The following GALNT9 variants were observed in gnomAD, a reference collection of about 807,000 sequenced individuals.
GALNT9 encodes the protein polypeptide N-acetylgalactosaminyltransferase 9.
Under a neutral mutation model 63.1 loss-of-function variants are expected in GALNT9, and 47 were observed. That is an observed-to-expected ratio of 0.75 (90% CI 0.59 to 0.95). The LOEUF is 0.95. GALNT9 is among the 40% of genes least tolerant of loss of function. The pLI is 0.00. For synonymous variants in GALNT9, 396 were observed against 365.7 expected, an observed-to-expected ratio of 1.08 and a Z score of -0.94; for missense variants, 829 against 874.8, an observed-to-expected ratio of 0.95 and a Z score of 0.66.
intron 2 of GALNT9, among the ~76,000 whole-genome samples, chr12:132,270,547 C>T (rs1879826910): frequency 6.6e-6 from 1 of 152,252 alleles, no homozygotes; most frequent in African/African-American, 2.4e-5. Context: ...GAGTCTACGA[C>T]TGTAATCAAT....
intron 2 of GALNT9, chr12:132,276,426 T>C (rs555366508): frequency 6.4e-6 from 1 of 155,360 alleles, no homozygotes; most frequent in Non-Finnish European, 1.5e-5. Flanking sequence ...GTCTACTCCC[T>C]TCCCATCCCA....
intron 6 of GALNT9, among the ~76,000 whole-genome samples, chr12:132,227,591 G>C (rs907940429): frequency 2.6e-5 from 4 of 152,176 alleles, no homozygotes; most frequent in African/African-American, 9.7e-5. Context: ...ATCTAAAACA[G>C]CTTTTCTAAA....
chr12:132,240,514 G>C (rs2136898444), intron 6 of GALNT9: 207 of 428,230 alleles, frequency 4.8e-4, no homozygotes, highest in Middle Eastern at 6.5e-4. Context: ...CACTCCAGTC[G>C]CTGGCAGTGC....
At chr12:132,241,070 ACGCCACACACCC>A (rs2135530115) in intron 6 of GALNT9, among the ~76,000 whole-genome samples, 6 of 116,070 alleles carry the variant, frequency 5.2e-5, no homozygotes, top group Admixed American at 8.1e-5. Flanking sequence ...CATTACACAC[ACGCCACACACCC>A]TTCCCGGGGC....
intron 1 of GALNT9, among the ~76,000 whole-genome samples, chr12:132,304,342 T>C (rs1352253701): frequency 1.4e-3 from 41 of 29,074 alleles, no homozygotes; most frequent in Middle Eastern, 0.043. Flanking sequence ...CACCCTCGCC[T>C]GGGCACACCC....
At chr12:132,259,452 A>G (rs1315288805) in intron 4 of GALNT9, among the ~76,000 whole-genome samples, 6 of 152,218 alleles carry the variant, frequency 3.9e-5, no homozygotes, top group Non-Finnish European at 5.9e-5. Flanking sequence ...GCTGATAAAC[A>G]TCGAGGGAAA....
In GALNT9 at chr12:132,268,791, G is replaced by A. The variant is rs559606709; in HGVS notation, c.420-6166C>T. ...AAGCACGTGCGCAGGTGCCCCCCTC[G>A]GCGGCCATCAGGGAGCTGCCACTCG... On this transcript the variant is annotated intron_variant, in intron 2 of 10. Coordinates refer to ENST00000328957, the MANE Select transcript of GALNT9 (RefSeq NM_001122636.2). Among the ~76,000 whole-genome samples the A allele has an allele frequency of 2.7e-3, 412 of 152,242 alleles. 1 individual carries two copies. Among genetic ancestry groups the A allele is most frequent in the Middle Eastern group, 0.01 (3 of 294 alleles).
intron 1 of GALNT9, among the ~76,000 whole-genome samples, chr12:132,299,416 T>G (rs1480267347): frequency 1.6e-5 from 2 of 126,210 alleles, no homozygotes; most frequent in South Asian, 6.0e-4. Context: ...AACCCATTCC[T>G]GAGATAACTC....
In GALNT9 at chr12:132,246,733, A is replaced by G. The variant is rs1878717969; in HGVS notation, c.1077+1177T>C. 6.6e-6 allele frequency among the ~76,000 whole-genome samples: 1 copy of G among 152,182 alleles called. No homozygotes were observed. The highest frequency in any genetic ancestry group is 2.4e-5 in the African/African-American group (1 of 41,434). Reference sequence around the variant, plus strand: ...TTTTTAGTAGAGGCAGGGTTTTACCATACTGGTCAGGCTGGTCTCGAACTT... The same window carrying G: ...TTTTTAGTAGAGGCAGGGTTTTACCGTACTGGTCAGGCTGGTCTCGAACTT... On this transcript the variant is annotated intron_variant, in intron 6 of 10. Coordinates refer to ENST00000328957, the MANE Select transcript of GALNT9 (RefSeq NM_001122636.2). This position sits in a 1 kb window ranked among gnomAD's most constrained non-coding sequence, Gnocchi z 4.7.
At chr12:132,228,482 A>T (rs36172678) in intron 6 of GALNT9, among the ~76,000 whole-genome samples, 2 of 138,752 alleles carry the variant, frequency 1.4e-5, no homozygotes, top group Admixed American at 1.4e-4. Flanking sequence ...CAGGGCGGCC[A>T]GTCAGCACCT....
intron 2 of GALNT9, among the ~76,000 whole-genome samples, chr12:132,269,328 C>T (rs1555240514): frequency 6.6e-6 from 1 of 152,216 alleles, no homozygotes; most frequent in Non-Finnish European, 1.5e-5. Context: ...ATGCCCCCCG[C>T]GGGAGAAGAG....
chr12:132,323,358 C>G (rs782656150), intron 1 of GALNT9, among the ~76,000 whole-genome samples: 1 of 152,204 alleles, frequency 6.6e-6, no homozygotes, highest in South Asian at 2.1e-4. Context: ...AGAAGGCTGC[C>G]GACCGGGCCT....
intron 1 of GALNT9, among the ~76,000 whole-genome samples, chr12:132,307,946 G>A (rs1251641406): frequency 6.6e-6 from 1 of 151,728 alleles, no homozygotes; most frequent in Non-Finnish European, 1.5e-5. Context: ...TGAGCCAGGA[G>A]AATCACTTGA....
At position 132,229,088 on chromosome 12, in the gene GALNT9, G is replaced by C. The variant is rs932825189; in HGVS notation, c.1077+18822C>G. Among the ~76,000 whole-genome samples the C allele has an allele frequency of 3.7e-4, 57 of 152,256 alleles. 1 individual carries two copies. The East Asian group carries it at 0.01, about 28-fold the overall frequency. On this transcript the variant is annotated intron_variant, in intron 6 of 10. Transcript: ENST00000328957. ...GTGCCAGTGCATGGGGCAGGGGGCCGCCCTCCCCTGGACACGTACCAGTCT... is the reference window on the plus strand; with the variant it reads ...GTGCCAGTGCATGGGGCAGGGGGCCCCCCTCCCCTGGACACGTACCAGTCT...
chr12:132,284,470 T>G (rs564047732), intron 2 of GALNT9: 1 of 152,398 alleles, frequency 6.6e-6, no homozygotes, highest in South Asian at 2.1e-4. Flanking sequence ...TAAACTGGCC[T>G]ATTTTAAAAC....
intron 6 of GALNT9, among the ~76,000 whole-genome samples, chr12:132,228,438 G>A (rs1486670458): frequency 2.0e-5 from 3 of 148,714 alleles, no homozygotes; most frequent in African/African-American, 7.4e-5. Context: ...TCCCTCCCCA[G>A]AGGAAGGGTG....
intron 7 of GALNT9, 143 bp from the exon 8 acceptor site, chr12:132,201,404 C>CCGGCCCCATA: frequency 1.8e-6 from 1 of 557,204 alleles, no homozygotes; most frequent in Non-Finnish European, 3.1e-6. Flanking sequence ...GAGGCCCCAT[C>CCGGCCCCATA]CAGTTGGGAC....
At position 132,311,640 on chromosome 12, in the gene GALNT9, G is replaced by A. The variant is rs561473437; in HGVS notation, c.238+17326C>T. Among the ~76,000 whole-genome samples the A allele has an allele frequency of 3.9e-4, 60 of 152,314 alleles. 2 individuals carry two copies. In the South Asian group the frequency reaches 0.011, roughly 28 times the overall value. On this transcript the variant is annotated intron_variant, in intron 1 of 10. Transcript: ENST00000328957. ...ACTCCAGGCCAGGGCAGCTGCCGTG[G>A]GACAGCGGGCCCTCCCTCCACCCTC...
intron 7 of GALNT9, among the ~76,000 whole-genome samples, chr12:132,202,410 G>T (rs1323475643): frequency 6.6e-6 from 1 of 152,224 alleles, no homozygotes; most frequent in Non-Finnish European, 1.5e-5. Context: ...CTGATATGGG[G>T]GCTGGATGCT....
Sources: allele counts gnomAD v4.1 joint callset (sites outside exome capture counted in the v4.1 genomes callset), GRCh38; gene constraint gnomAD v4.1.1; non-coding constraint Gnocchi (gnomAD v3.1); transcripts MANE v1.5; gene names NCBI Gene and HGNC (gene_info 2026-07-23, HGNC 2026-07-21).